TNIK: variants seen among roughly 807,000 people sequenced by gnomAD.
TNIK encodes TRAF2 and NCK-interacting protein kinase.
A neutral mutation model predicts 191.3 loss-of-function variants in TNIK; 49 were observed. The observed-to-expected ratio is 0.26, with a 90% CI of 0.20 to 0.32. TNIK has a LOEUF of 0.32. Ranked by LOEUF, TNIK falls within the 10% of genes least tolerant of loss-of-function variation. TNIK has a pLI of 1.00. For synonymous variants in TNIK, 594 were observed against 600.9 expected, an observed-to-expected ratio of 0.99 and a Z score of 0.17; for missense variants, 1,155 against 1,702.3, an observed-to-expected ratio of 0.68 and a Z score of 5.66.
Position 171,460,332 on chromosome 3 carries a change from G to A in TNIK, c.-269C>T. 3.6e-6 allele frequency: 2 copies of A among 556,150 alleles called. No individual in the cohort carries two copies. 34.5% of individuals were successfully genotyped at this position (556,150 alleles called of 1,614,324 possible). On this transcript the variant is annotated 5_prime_UTR_variant, in exon 1 of 33. It introduces an in-frame stop codon into an upstream open reading frame of the 5' UTR. Coordinates refer to ENST00000436636, the MANE Select transcript of TNIK (RefSeq NM_015028.4). This position sits in a 1 kb window ranked among gnomAD's most constrained non-coding sequence, Gnocchi z 6.8. ...AGCGCCCCGATCGGCTAAGGGCGCT[G>A]GGGCTGCGTGGGTGTATTTAAATGG...
chr3:171,156,007 G>A (rs981425777), intron 12 of TNIK, among the ~76,000 whole-genome samples: 28 of 152,146 alleles, frequency 1.8e-4, no homozygotes, highest in Non-Finnish European at 4.4e-5. Context: ...GAGACAATTC[G>A]TGTAAAGTAC....
At chr3:171,417,837 T>C (rs1048313010) in intron 1 of TNIK, among the ~76,000 whole-genome samples, 4 of 152,196 alleles carry the variant, frequency 2.6e-5, no homozygotes, top group African/African-American at 9.6e-5. Context: ...CTGCATGGCA[T>C]TTCCCAAAGA....
intron 1 of TNIK, among the ~76,000 whole-genome samples, chr3:171,377,867 T>A (rs1244420103): frequency 6.6e-6 from 1 of 152,224 alleles, no homozygotes; most frequent in Non-Finnish European, 1.5e-5. Context: ...CCCAAGGTGA[T>A]GACAACATTG....
chr3:171,199,719 T>G lies in TNIK; in HGVS notation c.307-5084A>C, dbSNP rs543128952. On this transcript the variant is annotated intron_variant, in intron 4 of 32. Coordinates refer to ENST00000436636, the MANE Select transcript of TNIK (RefSeq NM_015028.4). ...ACCACCCTGGGCTTAGCAATGTCTC[T>G]CTCCCCACCACTACCACTATGATAA... is the stretch of plus-strand genomic sequence containing the variant. Among the ~76,000 whole-genome samples the G allele has an allele frequency of 1.8e-4, 27 of 152,266 alleles. No individual in the cohort carries two copies. The South Asian group carries it at 2.7e-3, about 15-fold the overall frequency.
intron 2 of TNIK, among the ~76,000 whole-genome samples, chr3:171,368,132 G>C (rs550850390): frequency 6.6e-6 from 1 of 152,188 alleles, no homozygotes; most frequent in Non-Finnish European, 1.5e-5. Context: ...GAATCTCTTG[G>C]TATCTCCTCT....
intron 2 of TNIK, among the ~76,000 whole-genome samples, chr3:171,256,700 A>G (rs1746921863): frequency 6.6e-6 from 1 of 152,192 alleles, no homozygotes; most frequent in African/African-American, 2.4e-5. Context: ...GAAGCCATTT[A>G]TTACCACTGG....
intron 9 of TNIK, among the ~76,000 whole-genome samples, chr3:171,174,876 A>G (rs1735783508): frequency 6.6e-6 from 1 of 152,234 alleles, no homozygotes; most frequent in African/African-American, 2.4e-5. Context: ...TGTAAGGAAT[A>G]GAAGAGAAAT....
At chr3:171,269,251 ACTCT>A (rs3083281) in intron 2 of TNIK, among the ~76,000 whole-genome samples, 66,619 of 151,640 alleles carry the variant, frequency 0.44, 15,033 homozygotes, top group African/African-American at 0.47. Flanking sequence ...CATATTAAAC[ACTCT>A]CTCTTTCATT....
intron 28 of TNIK, among the ~76,000 whole-genome samples, chr3:171,074,080 T>G (rs1223621626): frequency 6.6e-6 from 1 of 152,092 alleles, no homozygotes; most frequent in Non-Finnish European, 1.5e-5. Flanking sequence ...GTACATTTAT[T>G]GCAGCACTGT....
chr3:171,128,596 A>C, intron 16 of TNIK, 118 bp downstream of exon 16: 2 of 1,279,194 alleles, frequency 1.6e-6, no homozygotes, highest in Non-Finnish European at 2.1e-6. Context: ...TAAATTCTAT[A>C]TTAAGGGTCA....
At chr3:171,340,814 T>C (rs1432813993) in intron 2 of TNIK, among the ~76,000 whole-genome samples, 1 of 152,082 alleles carries the variant, frequency 6.6e-6, no homozygotes, top group African/African-American at 2.4e-5. Context: ...GGCAGTCCAA[T>C]TGAAACAATC....
chr3:171,377,436 G>A (rs373163479), intron 1 of TNIK, among the ~76,000 whole-genome samples: 8 of 152,174 alleles, frequency 5.3e-5, no homozygotes, highest in African/African-American at 7.2e-5. Context: ...TCACAAAGTC[G>A]GCCTTTAGAA....
chr3:171,082,219 G>C (rs1361937766), intron 27 of TNIK, 32 bp downstream of exon 27: 2 of 1,604,686 alleles, frequency 1.2e-6, no homozygotes, highest in Non-Finnish European at 1.7e-6. Flanking sequence ...CCGCTGTATG[G>C]ACCTGGGGGA....
In TNIK at chr3:171,059,355, T is replaced by C. The variant is rs1471529613; in HGVS notation, c.*4526A>G. ...AATGCTTTTATGGGGATTTTTATTTTGGTATATTCTGGCACTTCCTGGAAT... is the reference window on the plus strand; with the variant it reads ...AATGCTTTTATGGGGATTTTTATTTCGGTATATTCTGGCACTTCCTGGAAT... On this transcript the variant is annotated 3_prime_UTR_variant, in exon 33 of 33. Coordinates refer to ENST00000436636, the MANE Select transcript of TNIK (RefSeq NM_015028.4). Among the ~76,000 whole-genome samples, 1 of 152,192 alleles carries C rather than the reference T, an allele frequency of 6.6e-6. No individual in the cohort carries two copies. The highest frequency in any genetic ancestry group is 2.4e-5 in the African/African-American group (1 of 41,464).
At chr3:171,132,614 G>A (rs1307116509) in intron 15 of TNIK, among the ~76,000 whole-genome samples, 1 of 152,092 alleles carries the variant, frequency 6.6e-6, no homozygotes, top group East Asian at 1.9e-4. Context: ...GAGAAACACT[G>A]TATCAATGTC....
chr3:171,067,822 A>C (rs548013868), intron 30 of TNIK, among the ~76,000 whole-genome samples: 5 of 150,046 alleles, frequency 3.3e-5, no homozygotes, highest in Non-Finnish European at 7.5e-5. Flanking sequence ...GTTGAGGATT[A>C]TCATAGTTAC....
At chr3:171,300,161 C>G (rs1481837747) in intron 2 of TNIK, among the ~76,000 whole-genome samples, 1 of 152,110 alleles carries the variant, frequency 6.6e-6, no homozygotes, top group African/African-American at 2.4e-5. Context: ...GGAGTGAGGT[C>G]CAGAAAAATA....
chr3:171,226,040 G>A lies in TNIK; in HGVS notation c.180+2125C>T, dbSNP rs146850452. On this transcript the variant is annotated intron_variant, in intron 3 of 32. Coordinates refer to ENST00000436636, the MANE Select transcript of TNIK (RefSeq NM_015028.4). ...TTGGAGCTTTGTAAAATGTTTACAC[G>A]TTTATAATGGGTTTCTATGTAGAGA... 2.6e-3 allele frequency among the ~76,000 whole-genome samples: 394 copies of A among 152,248 alleles called. 1 individual carries two copies. Among genetic ancestry groups the A allele is most frequent in the African/African-American group, 8.4e-3 (350 of 41,552 alleles).
intron 4 of TNIK, among the ~76,000 whole-genome samples, chr3:171,199,450 G>A (rs530825083): frequency 6.6e-6 from 1 of 152,190 alleles, no homozygotes; most frequent in South Asian, 2.1e-4. Context: ...TTCTCAAAGA[G>A]TTTATACTGG....
Sources: gnomAD v4.1 joint callset for allele counts (sites outside exome capture counted in the v4.1 genomes callset) on GRCh38, gnomAD v4.1.1 for gene constraint, Gnocchi (gnomAD v3.1) non-coding constraint, MANE v1.5 for transcripts, NCBI Gene and HGNC (gene_info 2026-07-23, HGNC 2026-07-21) for gene names.